TACC1: variants seen among roughly 807,000 people sequenced by gnomAD.
TACC1 encodes the protein transforming acidic coiled-coil containing protein 1, also known as transforming acidic coiled-coil-containing protein 1.
TACC1 carries 48 observed loss-of-function variants against 84.4 expected under a neutral mutation model. The observed-to-expected ratio is 0.57, with a 90% CI of 0.45 to 0.72. The LOEUF (loss-of-function observed/expected upper bound fraction) is 0.72, where lower values mean the gene tolerates loss of function less well. TACC1 is among the 30% of genes least tolerant of loss of function. The probability of loss-of-function intolerance (pLI) is 0.00; values close to 1 mark genes in which losing one functional copy is unlikely to be tolerated. For synonymous variants in TACC1, 372 were observed against 376.3 expected, an observed-to-expected ratio of 0.99 and a Z score of 0.13; for missense variants, 920 against 973.0, an observed-to-expected ratio of 0.95 and a Z score of 0.72.
intron 3 of TACC1, among the ~76,000 whole-genome samples, chr8:38,822,901 C>T (rs1157592130): frequency 6.6e-6 from 1 of 152,124 alleles, no homozygotes; most frequent in African/African-American, 2.4e-5. Context: ...TTACATGGCA[C>T]CTGACTGTAT....
chr8:38,774,872 A>C (rs994312700), intron 3 of TACC1, among the ~76,000 whole-genome samples: 4 of 152,022 alleles, frequency 2.6e-5, no homozygotes, highest in African/African-American at 7.2e-5. Context: ...TTAGCTGGGC[A>C]TGGTGGCACA....
intron 3 of TACC1, among the ~76,000 whole-genome samples, chr8:38,746,766 G>T (rs1270448456): frequency 6.6e-6 from 1 of 152,114 alleles, no homozygotes; most frequent in Non-Finnish European, 1.5e-5. Flanking sequence ...GAAAAGTTAA[G>T]GTTGAATTTT....
chr8:38,758,529 A>C (rs1810554896), intron 3 of TACC1, among the ~76,000 whole-genome samples: 1 of 151,922 alleles, frequency 6.6e-6, no homozygotes. Context: ...AAATACAAAA[A>C]TTAGCCTAGC....
rs1440254369 is a variant in TACC1 at position 38,849,750 on chromosome 8, T to C, written c.*1727T>C. On this transcript the variant is annotated 3_prime_UTR_variant, in exon 13 of 13. Coordinates refer to ENST00000317827, the MANE Select transcript of TACC1 (RefSeq NM_006283.3). Reference sequence around the variant, plus strand: ...TATTCAAGCCTGTTGTCTTAACATTTTGTATAAAAAAGAACAACAGAAATT... The same window carrying C: ...TATTCAAGCCTGTTGTCTTAACATTCTGTATAAAAAAGAACAACAGAAATT... 6.6e-6 allele frequency: 1 copy of C among 152,648 alleles called. No homozygotes were observed. Among genetic ancestry groups the C allele is most frequent in the African/African-American group, 2.4e-5 (1 of 41,450 alleles). The allele number at this position is 152,648 out of a possible 1,614,324, so 9.5% of individuals were successfully genotyped here.
intron 8 of TACC1, among the ~76,000 whole-genome samples, chr8:38,838,754 T>G (rs1254086317): frequency 4.6e-5 from 7 of 152,236 alleles, no homozygotes; most frequent in African/African-American, 1.7e-4. Flanking sequence ...TAGTTTATCT[T>G]GGGTTGTTCA....
At chr8:38,835,047 A>G (rs1451891319) in intron 6 of TACC1, among the ~76,000 whole-genome samples, 1 of 152,088 alleles carries the variant, frequency 6.6e-6, no homozygotes, top group African/African-American at 2.4e-5. Flanking sequence ...AGGTCAGGAG[A>G]TTGAGACCAT....
chr8:38,811,168 T>C (rs1208585807), intron 2 of TACC1, among the ~76,000 whole-genome samples: 1 of 151,812 alleles, frequency 6.6e-6, no homozygotes, highest in Non-Finnish European at 1.5e-5. Flanking sequence ...AAAATTTTTT[T>C]GAAATGAAAT....
chr8:38,847,133 T>C (rs1486070048), intron 12 of TACC1, among the ~76,000 whole-genome samples: 1 of 152,220 alleles, frequency 6.6e-6, no homozygotes, highest in Non-Finnish European at 1.5e-5. Flanking sequence ...TGCAATATAT[T>C]AATATGAAGC....
At chr8:38,806,625 T>C (rs1822803147) in intron 2 of TACC1, among the ~76,000 whole-genome samples, 1 of 151,966 alleles carries the variant, frequency 6.6e-6, no homozygotes, top group Non-Finnish European at 1.5e-5. Context: ...GAAGGGGACT[T>C]GGTTTTGGGT....
chr8:38,786,295 G>C (rs1162351847), upstream of TACC1, among the ~76,000 whole-genome samples: 1 of 152,210 alleles, frequency 6.6e-6, no homozygotes, highest in Non-Finnish European at 1.5e-5. Context: ...GAGAACATCA[G>C]CTATTTCCCA....
At chr8:38,840,376 A>ATTT (rs1368225876) in intron 9 of TACC1, 109 bp downstream of exon 9, 1 of 967,326 alleles carries the variant, frequency 1.0e-6, no homozygotes, top group African/African-American at 1.6e-5. Context: ...AACAACAAAC[A>ATTT]TTTTTCATAG....
chr8:38,730,238 C>T (rs778641134), intron 1 of TACC1, among the ~76,000 whole-genome samples: 3 of 152,202 alleles, frequency 2.0e-5, no homozygotes, highest in Non-Finnish European at 2.9e-5. Context: ...CTAGGGAACC[C>T]GCTGGAGGTG....
intron 2 of TACC1, among the ~76,000 whole-genome samples, chr8:38,805,946 C>T (rs1441290752): frequency 6.6e-6 from 1 of 152,198 alleles, no homozygotes; most frequent in Non-Finnish European, 1.5e-5. Flanking sequence ...GAGATGCACA[C>T]TTGGGGCTTG....
intron 2 of TACC1, among the ~76,000 whole-genome samples, chr8:38,813,854 G>GA (rs1824813625): frequency 1.3e-5 from 2 of 152,160 alleles, no homozygotes; most frequent in African/African-American, 4.8e-5. Context: ...GGTCTCGGCA[G>GA]AAATCCACTC....
chr8:38,767,830 T>C lies in TACC1; in HGVS notation c.27-20874T>C, dbSNP rs796427386. ...CTGTAATCCCAACACTTTGGGAGTC[T>C]GAGGTGGGAGGATCATTTGAGCCCA... On this transcript the variant is annotated intron_variant, in intron 3 of 14. Transcript: ENST00000518415. Among the ~76,000 whole-genome samples, 12 of 152,240 alleles carry C rather than the reference T, an allele frequency of 7.9e-5. 1 individual carries two copies. Among genetic ancestry groups the C allele is most frequent in the African/African-American group, 2.6e-4 (11 of 41,546 alleles).
intron 8 of TACC1, chr8:38,839,185 G>C (rs1009290676): frequency 1.7e-5 from 6 of 355,052 alleles, no homozygotes; most frequent in African/African-American, 4.2e-5. Context: ...CACAGCGCCT[G>C]GTCCATAATA....
rs576187105 is a variant in TACC1, at chr8:38,743,436, G to A, written c.-574+985G>A. ...ATTTGCTTGATGATAATGGTTGGGG[G>A]GCAGTTTTATAGACATTTTCAGCTG... is the stretch of plus-strand genomic sequence containing the variant. On this transcript the variant is annotated intron_variant, in intron 2 of 14. Coordinates refer to the TACC1 transcript ENST00000518415. 5.3e-5 allele frequency among the ~76,000 whole-genome samples: 8 copies of A among 152,228 alleles called. No homozygotes were observed. The South Asian group carries it at 1.5e-3, about 28-fold the overall frequency.
At chr8:38,784,025 G>A (rs988198660), upstream of TACC1, among the ~76,000 whole-genome samples, 1 of 152,192 alleles carries the variant, frequency 6.6e-6, no homozygotes. Flanking sequence ...GACTGAGGTA[G>A]GGCAGAAAAG....
At chr8:38,764,970 G>C (rs2151839946) in intron 3 of TACC1, among the ~76,000 whole-genome samples, 1 of 152,164 alleles carries the variant, frequency 6.6e-6, no homozygotes, top group Non-Finnish European at 1.5e-5. Flanking sequence ...ATGGTGGCAG[G>C]AGCCTATAAT....
Sources: gnomAD v4.1 joint callset for allele counts (sites outside exome capture counted in the v4.1 genomes callset) on GRCh38, gnomAD v4.1.1 for gene constraint, MANE v1.5 for transcripts, NCBI Gene and HGNC (gene_info 2026-07-23, HGNC 2026-07-21) for gene names.